CORIN: variants seen among roughly 807,000 people sequenced by gnomAD.
The protein encoded by CORIN is atrial natriuretic peptide-converting enzyme.
In CORIN, 117 loss-of-function variants were observed where a neutral mutation model predicts 125.3. That is an observed-to-expected ratio of 0.93 (90% CI 0.80 to 1.09). The LOEUF (loss-of-function observed/expected upper bound fraction) is 1.09. Ranked by LOEUF, CORIN falls within the 50% of genes least tolerant of loss-of-function variation. CORIN has a pLI of 0.00. For missense variants in CORIN, 1,253 were observed against 1,306.7 expected, an observed-to-expected ratio of 0.96 and a Z score of 0.63; for synonymous variants, 450 against 466.4, an observed-to-expected ratio of 0.96 and a Z score of 0.45.
chr4:47,611,324 G>A (rs1429881347), intron 19 of CORIN, among the ~76,000 whole-genome samples: 1 of 152,086 alleles, frequency 6.6e-6, no homozygotes, highest in African/African-American at 2.4e-5. Context: ...CTTGTTAGCT[G>A]TATTCTTAGG....
At chr4:47,767,032 A>G (rs957629704) in intron 3 of CORIN, among the ~76,000 whole-genome samples, 7 of 152,124 alleles carry the variant, frequency 4.6e-5, no homozygotes, top group Non-Finnish European at 1.0e-4. Flanking sequence ...CATTTCACCA[A>G]AAAAAGAATA....
intron 6 of CORIN, among the ~76,000 whole-genome samples, chr4:47,684,625 G>A (rs141646925): frequency 1.1e-4 from 16 of 152,286 alleles, no homozygotes; most frequent in African/African-American, 3.4e-4. Context: ...TTTGAAAGAA[G>A]AGTTTAATGA....
At chr4:47,620,205 G>T (rs1722249855) in intron 19 of CORIN, among the ~76,000 whole-genome samples, 1 of 152,194 alleles carries the variant, frequency 6.6e-6, no homozygotes, top group African/African-American at 2.4e-5. Context: ...CTACAGGTAT[G>T]TGCTGGAACT....
Position 47,594,644 on chromosome 4 carries a change from G to C in CORIN, c.*1077C>G, listed in dbSNP as rs969471232. ...CTGTGCTCTAAAATATGCTCTTTAT[G>C]ACTTTGTTGGTATGGATGAACGCAA... On this transcript the variant is annotated 3_prime_UTR_variant, in exon 22 of 22. Coordinates refer to ENST00000273857, the MANE Select transcript of CORIN (RefSeq NM_006587.4). The C allele has an allele frequency of 6.6e-6, 1 of 152,096 alleles. No homozygotes were observed. 9.4% of individuals were successfully genotyped at this position (152,096 alleles called of 1,614,324 possible). A position where few individuals can be genotyped will look rare whatever the true frequency, so the allele number is the denominator to read the frequency against.
At position 47,793,560 on chromosome 4, in the gene CORIN, T is replaced by C. The variant is rs1056938330; in HGVS notation, c.209-6635A>G. Among the ~76,000 whole-genome samples the C allele has an allele frequency of 3.3e-5, 5 of 152,176 alleles. No homozygotes were observed. In the East Asian group the frequency reaches 9.6e-4, roughly 29 times the overall value. The stretch of plus-strand genomic sequence containing the variant: ...TAGTACTCAACACTGAGGAAGATCA[T>C]ATGCGCATAGCACATCTGGGGAGAA... On this transcript the variant is annotated intron_variant, in intron 2 of 21. Transcript: ENST00000273857.
At chr4:47,668,338 G>A (rs1024417718) in intron 10 of CORIN, among the ~76,000 whole-genome samples, 2 of 152,174 alleles carry the variant, frequency 1.3e-5, no homozygotes, top group Non-Finnish European at 2.9e-5. Context: ...GCCAACAGAA[G>A]GCTTTGAATG....
chr4:47,603,133 G>A (rs999970246), intron 20 of CORIN, among the ~76,000 whole-genome samples: 8 of 152,096 alleles, frequency 5.3e-5, no homozygotes, highest in Non-Finnish European at 1.0e-4. Context: ...GAAACATGGG[G>A]GGCAGTTACC....
At chr4:47,820,243 A>C (rs960503399) in intron 1 of CORIN, among the ~76,000 whole-genome samples, 1 of 151,766 alleles carries the variant, frequency 6.6e-6, no homozygotes, top group Non-Finnish European at 1.5e-5. Context: ...AGGCTAAGAC[A>C]TCCTGGAAAT....
At chr4:47,660,852 G>A (rs1403743184) in intron 12 of CORIN, among the ~76,000 whole-genome samples, 1 of 152,160 alleles carries the variant, frequency 6.6e-6, no homozygotes, top group African/African-American at 2.4e-5. Context: ...AAGGAAACCA[G>A]TATATAGAAG....
intron 3 of CORIN, among the ~76,000 whole-genome samples, chr4:47,785,916 A>C (rs1444104584): frequency 2.0e-5 from 3 of 151,756 alleles, no homozygotes; most frequent in Non-Finnish European, 4.4e-5. Flanking sequence ...TCTCAAAAAA[A>C]AAAAAAAAAA....
intron 3 of CORIN, among the ~76,000 whole-genome samples, chr4:47,768,541 A>C (rs966475786): frequency 3.3e-5 from 5 of 152,234 alleles, no homozygotes; most frequent in African/African-American, 1.2e-4. Context: ...ATTACACCTT[A>C]ATAACTTTGA....
intron 3 of CORIN, among the ~76,000 whole-genome samples, chr4:47,773,764 T>G (rs1730167285): frequency 6.6e-6 from 1 of 151,934 alleles, no homozygotes; most frequent in Non-Finnish European, 1.5e-5. Context: ...ACCTTTTATA[T>G]TCTAATAAAT....
chr4:47,786,727 G>A lies in CORIN; in HGVS notation c.407C>T (p.Thr136Ile), dbSNP rs1225547778. 1 of 1,613,358 alleles carries A rather than the reference G, an allele frequency of 6.2e-7. No individual in the cohort carries two copies. The highest frequency in any genetic ancestry group is 8.5e-7 in the Non-Finnish European group (1 of 1,179,390). Reference protein sequence around the residue: ...SLPGDQSHRNTSACMNITHSQ... With the variant: ...SLPGDQSHRNISACMNITHSQ... The stretch of plus-strand genomic sequence containing the variant: ...GCATGTATCACCTTTGGACTTACTT[G>A]TATTCCTGTGACTTTGGTCCCCTGG... The change falls in exon 3 of 22, where the codon ACA becomes ATA. Residue 136 changes from threonine to isoleucine, a missense_variant and splice_region_variant. Coordinates refer to ENST00000273857, the MANE Select transcript of CORIN (RefSeq NM_006587.4).
At chr4:47,621,664 T>C (rs1722313034) in intron 19 of CORIN, among the ~76,000 whole-genome samples, 1 of 152,124 alleles carries the variant, frequency 6.6e-6, no homozygotes, top group African/African-American at 2.4e-5. Flanking sequence ...TTTAGGCATA[T>C]TGTGGTGGTT....
At chr4:47,798,030 C>G (rs1350060395) in intron 2 of CORIN, among the ~76,000 whole-genome samples, 3 of 152,046 alleles carry the variant, frequency 2.0e-5, no homozygotes, top group Non-Finnish European at 4.4e-5. Flanking sequence ...TTTGAAGAAC[C>G]TGAGTCCTTG....
intron 10 of CORIN, among the ~76,000 whole-genome samples, chr4:47,671,559 G>A (rs1724760108): frequency 6.6e-6 from 1 of 152,116 alleles, no homozygotes; most frequent in Non-Finnish European, 1.5e-5. Context: ...TCAACTGCAA[G>A]TTAGGCACAT....
chr4:47,616,668 C>T (rs13101892), intron 19 of CORIN, among the ~76,000 whole-genome samples: 40,911 of 151,918 alleles, frequency 0.27, 5,650 homozygotes, highest in Admixed American at 0.35. Context: ...ATGATCTTGA[C>T]AAGAACGCAA....
chr4:47,768,764 A>G (rs1303985278), intron 3 of CORIN, among the ~76,000 whole-genome samples: 2 of 152,226 alleles, frequency 1.3e-5, no homozygotes, highest in African/African-American at 4.8e-5. Flanking sequence ...CACTTGAGAA[A>G]ATTAAACATC....
At chr4:47,731,825 C>T (rs556909808) in intron 5 of CORIN, among the ~76,000 whole-genome samples, 25 of 151,392 alleles carry the variant, frequency 1.7e-4, no homozygotes, top group Non-Finnish European at 2.8e-4. Flanking sequence ...GCCAAGATTG[C>T]ACCACTGCAC....
Sources: allele counts gnomAD v4.1 joint callset (sites outside exome capture counted in the v4.1 genomes callset), GRCh38; gene constraint gnomAD v4.1.1; transcripts MANE v1.5; gene names NCBI Gene and HGNC (gene_info 2026-07-23, HGNC 2026-07-21).